Variants in PEX5L observed in about 807,000 individuals in gnomAD.
The protein encoded by PEX5L is PEX5-related protein.
A neutral mutation model predicts 84.0 loss-of-function variants in PEX5L; 30 were observed. The observed-to-expected ratio is 0.36, with a 90% confidence interval of 0.27 to 0.48. The LOEUF (loss-of-function observed/expected upper bound fraction) is 0.48. Ranked by LOEUF, PEX5L falls within the 20% of genes least tolerant of loss-of-function variation. The pLI, the probability that PEX5L is intolerant of heterozygous loss-of-function variation, is 0.99. For missense variants in PEX5L, 533 were observed against 754.6 expected, an observed-to-expected ratio of 0.71 and a Z score of 3.44; for synonymous variants, 270 against 283.1, an observed-to-expected ratio of 0.95 and a Z score of 0.46.
chr3:179,802,141 T>C (rs1471065922), intron 14 of PEX5L, 109 bp from the exon 15 acceptor site: 14 of 763,618 alleles, frequency 1.8e-5, no homozygotes, highest in Non-Finnish European at 1.8e-5. Context: ...AAATCTTAAA[T>C]CACCTCTTAC....
chr3:179,968,128 C>T (rs965975951), intron 2 of PEX5L, among the ~76,000 whole-genome samples: 2 of 152,126 alleles, frequency 1.3e-5, no homozygotes, highest in Admixed American at 1.3e-4. Flanking sequence ...CTGTATCCAT[C>T]ATATAATCAA....
rs1414826954 is a variant in PEX5L at position 179,832,066 on chromosome 3, G to T, written c.823-12090C>A. On this transcript the variant is annotated intron_variant, in intron 8 of 14. Transcript: ENST00000467460. ...CATTCTATTCTCCACACCGAAGACAGCAACATGTTTATAAGGCTGTTACAG... is the reference window on the plus strand; with the variant it reads ...CATTCTATTCTCCACACCGAAGACATCAACATGTTTATAAGGCTGTTACAG... 2.6e-5 allele frequency among the ~76,000 whole-genome samples: 4 copies of T among 152,170 alleles called. No homozygotes were observed. The East Asian group carries it at 7.7e-4, about 29-fold the overall frequency.
rs181651707 is a variant in PEX5L at position 179,864,829 on chromosome 3, A to C, written c.727-5672T>G. Among the ~76,000 whole-genome samples the C allele has an allele frequency of 4.5e-3, 688 of 152,268 alleles. 7 individuals carry two copies. The highest frequency in any genetic ancestry group is 0.01 in the Middle Eastern group (3 of 294). ...GTAATTTGTCAGTAAAAAACGAATT[A>C]ATAAAAAAGGAAAAATCTTTGTGCA... On this transcript the variant is annotated intron_variant, in intron 7 of 14. Coordinates refer to ENST00000467460, the MANE Select transcript of PEX5L (RefSeq NM_016559.3).
At chr3:179,904,352 A>G (rs766080272) in intron 2 of PEX5L, among the ~76,000 whole-genome samples, 75 of 152,298 alleles carry the variant, frequency 4.9e-4, no homozygotes, top group Middle Eastern at 6.8e-3. Flanking sequence ...TTTTGTGTTA[A>G]TTGACACTAT....
intron 2 of PEX5L, among the ~76,000 whole-genome samples, chr3:179,947,285 T>A (rs1777819540): frequency 6.7e-6 from 1 of 148,164 alleles, no homozygotes; most frequent in African/African-American, 2.4e-5. Context: ...GATAATACAG[T>A]TACCATTAAT....
At chr3:179,919,828 G>A (rs535130869) in intron 2 of PEX5L, among the ~76,000 whole-genome samples, 5 of 152,148 alleles carry the variant, frequency 3.3e-5, no homozygotes, top group South Asian at 2.1e-4. Context: ...TCAGCCTCCC[G>A]AGTAGCTGGG....
At position 179,949,113 on chromosome 3, in the gene PEX5L, C is replaced by T. The variant is rs145443452; in HGVS notation, c.93+22481G>A. On this transcript the variant is annotated intron_variant, in intron 2 of 14. Transcript: ENST00000467460. ...ATTATTTCCAGTCTGATTAACTGTA[C>T]AGGTCTTTCTCATAGTTTAGTCCGT... Among the ~76,000 whole-genome samples, 91 of 152,152 alleles carry T rather than the reference C, an allele frequency of 6.0e-4. 1 individual carries two copies. Among genetic ancestry groups the T allele is most frequent in the African/African-American group, 2.1e-3 (87 of 41,496 alleles).
At position 179,795,187 on chromosome 3, in the gene PEX5L, A is replaced by G. The variant is rs1249797652; in HGVS notation, c.*6641T>C. On this transcript the variant is annotated 3_prime_UTR_variant, in exon 15 of 15. Coordinates refer to ENST00000467460, the MANE Select transcript of PEX5L (RefSeq NM_016559.3). ...TACAAATTGGATTCCATTTGATCAG[A>G]AGGAGTTCTGATCCCCAAATCCCAT... The G allele has an allele frequency of 6.6e-6, 1 of 152,218 alleles. No individual in the cohort carries two copies. Among genetic ancestry groups the G allele is most frequent in the Non-Finnish European group, 1.5e-5 (1 of 68,044 alleles). The allele number at this position is 152,218 out of a possible 1,614,324, so 9.4% of individuals were successfully genotyped here.
intron 1 of PEX5L, among the ~76,000 whole-genome samples, chr3:179,986,466 G>T (rs13060119): frequency 0.39 from 57,531 of 145,942 alleles, 11,877 homozygotes; most frequent in African/African-American, 0.54. Context: ...GCAGTGGCGC[G>T]ATCTCGGCTC....
chr3:179,900,914 C>G (rs979422750), intron 2 of PEX5L, among the ~76,000 whole-genome samples: 1 of 152,188 alleles, frequency 6.6e-6, no homozygotes, highest in Non-Finnish European at 1.5e-5. Context: ...GATACAGTGT[C>G]TAAAACCACT....
At chr3:179,961,709 T>C (rs1258649315) in intron 2 of PEX5L, among the ~76,000 whole-genome samples, 1 of 152,222 alleles carries the variant, frequency 6.6e-6, no homozygotes, top group Non-Finnish European at 1.5e-5. Flanking sequence ...ATTGAATTTA[T>C]AACATAAATC....
intron 1 of PEX5L, among the ~76,000 whole-genome samples, chr3:180,019,274 C>T (rs1405190133): frequency 1.3e-5 from 2 of 152,142 alleles, no homozygotes; most frequent in Admixed American, 6.6e-5. Flanking sequence ...GTAATTTACT[C>T]ATATAATCGT....
chr3:179,984,509 TAAAC>T (rs1003292038), intron 1 of PEX5L, among the ~76,000 whole-genome samples: 8 of 152,194 alleles, frequency 5.3e-5, no homozygotes, highest in African/African-American at 9.6e-5. Context: ...ATAAGCCACA[TAAAC>T]AAAAGATCTT....
Position 179,815,867 on chromosome 3 carries a change from A to G in PEX5L, c.1077T>C (p.Asp359=), listed in dbSNP as rs1041522416. The G allele has an allele frequency of 1.2e-6, 2 of 1,614,074 alleles. No homozygotes were observed. The highest frequency in any genetic ancestry group is 2.7e-5 in the African/African-American group (2 of 75,060). The part of the protein sequence containing the change: ...MEAAILQDPG[D]AEAWQFLGIT... ...AATGAAGGGAGAATGACACCTCTGC[A>G]TCTCCAGGGTCCTGAAGAATTGCTG... is the stretch of plus-strand genomic sequence containing the variant. The change falls in exon 10 of 15, where the codon GAT becomes GAC. Residue 359 remains aspartate (D), a synonymous_variant. Transcript: ENST00000467460.
intron 7 of PEX5L, among the ~76,000 whole-genome samples, chr3:179,860,114 A>ATTTTTGT (rs1745492744): frequency 7.4e-6 from 1 of 135,990 alleles, no homozygotes. Flanking sequence ...GAGAGTTTCC[A>ATTTTTGT]TTTTTGTTTT....
chr3:179,950,891 A>G (rs1237931207), intron 2 of PEX5L, among the ~76,000 whole-genome samples: 2 of 152,190 alleles, frequency 1.3e-5, no homozygotes, highest in Non-Finnish European at 2.9e-5. Flanking sequence ...ACGTAAGAGG[A>G]GGCAGGGAGC....
chr3:179,958,092 G>T (rs1781053254), intron 2 of PEX5L, among the ~76,000 whole-genome samples: 1 of 151,640 alleles, frequency 6.6e-6, no homozygotes, highest in Non-Finnish European at 1.5e-5. Flanking sequence ...TTTTTTTTGG[G>T]AAGGAAAAAA....
At chr3:179,922,015 A>ATTT (rs1186519044) in intron 2 of PEX5L, 1 of 152,024 alleles carries the variant, frequency 6.6e-6, no homozygotes, top group Non-Finnish European at 1.5e-5. Flanking sequence ...CATTCACATA[A>ATTT]TTATCTCTCC....
At chr3:179,914,248 T>C (rs78661595) in intron 2 of PEX5L, among the ~76,000 whole-genome samples, 4,716 of 152,256 alleles carry the variant, frequency 0.031, 226 homozygotes, top group African/African-American at 0.1. Flanking sequence ...AGCCCTTTTC[T>C]CTGCTTTGAT....
Sources: allele counts gnomAD v4.1 joint callset (sites outside exome capture counted in the v4.1 genomes callset), GRCh38; gene constraint gnomAD v4.1.1; transcripts MANE v1.5; gene names NCBI Gene and HGNC (gene_info 2026-07-23, HGNC 2026-07-21).